Variants in HEXA observed in about 807,000 individuals in gnomAD.
HEXA encodes beta-hexosaminidase subunit alpha.
HEXA carries 54 observed loss-of-function variants against 73.3 expected under a neutral mutation model. That is an observed-to-expected ratio of 0.74 (90% CI 0.59 to 0.92). HEXA has a LOEUF of 0.92. Ranked by LOEUF, HEXA falls within the 40% of genes least tolerant of loss-of-function variation. HEXA has a pLI of 0.00. For synonymous variants in HEXA, 230 were observed against 246.9 expected (o/e 0.93, Z 0.64); for missense variants, 649 against 653.0 (o/e 0.99, Z 0.07).
Position 72,355,575 on chromosome 15 carries a change from G to C in HEXA, c.396C>G (p.Val132=), listed in dbSNP as rs1296841266. The C allele has an allele frequency of 1.9e-6, 3 of 1,608,576 alleles. No individual in the cohort carries two copies. The South Asian group carries it at 3.3e-5, about 18-fold the overall frequency. The part of the protein sequence containing the change: ...DDQCLLLSET[V]WGALRGLETF... ...ATTTGTTACCTCGGAGAGCTCCCCA[G>C]ACAGTCTCAGAGAGGAGTAAACACT... is the stretch of plus-strand genomic sequence containing the variant. Residue 132 remains valine (V), a synonymous_variant, in exon 3 of 14, where the codon GTC becomes GTG. Transcript: ENST00000268097.
At chr15:72,350,046 G>C (rs1392544709) in intron 7 of HEXA, among the ~76,000 whole-genome samples, 2 of 152,084 alleles carry the variant, frequency 1.3e-5, no homozygotes, top group South Asian at 4.2e-4. Flanking sequence ...TTACAGACAT[G>C]AGCCACCACG....
chr15:72,349,748 G>GT (rs894323650), intron 7 of HEXA, among the ~76,000 whole-genome samples: 32 of 151,466 alleles, frequency 2.1e-4, no homozygotes, highest in Middle Eastern at 3.4e-3. Flanking sequence ...TATCTTCAGG[G>GT]TTTTTTTTTG....
At chr15:72,371,203 G>C (rs189171139) in intron 1 of HEXA, among the ~76,000 whole-genome samples, 1 of 152,262 alleles carries the variant, frequency 6.6e-6, no homozygotes, top group South Asian at 2.1e-4. Context: ...AGAGCAGCAC[G>C]AGTTGGGATC....
chr15:72,351,268 C>G (rs1362365529), intron 5 of HEXA, 34 bp from the exon 6 acceptor site: 1 of 1,396,416 alleles, frequency 7.2e-7, no homozygotes, highest in Non-Finnish European at 1.0e-6. Context: ...GAACCCATCA[C>G]AGTCTCTCCG....
At chr15:72,370,876 C>T (rs969499372) in intron 1 of HEXA, among the ~76,000 whole-genome samples, 3 of 152,090 alleles carry the variant, frequency 2.0e-5, no homozygotes, top group African/African-American at 7.2e-5. Flanking sequence ...ACAATTTATT[C>T]ATCACTGTAT....
At chr15:72,344,393 G>C (rs764930841) in intron 13 of HEXA, among the ~76,000 whole-genome samples, 12 of 152,108 alleles carry the variant, frequency 7.9e-5, no homozygotes, top group Non-Finnish European at 1.5e-4. Flanking sequence ...AGAAACGTTG[G>C]CGACATCTAT....
At chr15:72,346,359 G>A (rs781126570) in intron 11 of HEXA, 34 bp from the exon 12 acceptor site, 5 of 1,579,022 alleles carry the variant, frequency 3.2e-6, no homozygotes, top group East Asian at 4.5e-5. Flanking sequence ...GTCTGGTGAT[G>A]GTGGGGTAAC....
chr15:72,347,715 A>G lies in HEXA; in HGVS notation c.1117T>C (p.Trp373Arg), dbSNP rs2088635643. ...ACTTTATTATCAAACACCTCCTGCC[A>G]CACCACATAGCCCTTGCCATAAGAA... ...VSSYGKGYVVWQEVFDNKVKI... is the reference protein window; with the variant it reads ...VSSYGKGYVVRQEVFDNKVKI... The change falls in exon 10 of 14, where the codon TGG becomes CGG. Residue 373 changes from tryptophan to arginine, a missense_variant. Physicochemically the swap from Trp to Arg is moderately radical, Grantham distance 101 (BLOSUM62 -3). Coordinates refer to ENST00000268097, the MANE Select transcript of HEXA (RefSeq NM_000520.6). The G allele has an allele frequency of 6.2e-7, 1 of 1,614,182 alleles. No homozygotes were observed. The highest frequency in any genetic ancestry group is 8.5e-7 in the Non-Finnish European group (1 of 1,180,020).
At chr15:72,357,937 A>C (rs1219689595) in intron 1 of HEXA, 6 of 152,216 alleles carry the variant, frequency 3.9e-5, no homozygotes, top group African/African-American at 7.2e-5. Flanking sequence ...TTCTGCAAAG[A>C]GGAGGGAATC....
intron 12 of HEXA, 54 bp from the exon 13 acceptor site, chr15:72,345,604 CT>C: frequency 6.2e-7 from 1 of 1,606,398 alleles, no homozygotes; most frequent in Non-Finnish European, 8.5e-7. Flanking sequence ...TGCAAAGGTG[CT>C]GGACATCCAC....
rs2088580310 is a variant in HEXA, at chr15:72,344,081, G to A, written c.1586C>T (p.Thr529Ile). The A allele has an allele frequency of 1.9e-6, 3 of 1,613,436 alleles. No individual in the cohort carries two copies. The African/African-American group carries it at 4.0e-5, about 22-fold the overall frequency. Reference sequence around the variant, plus strand: ...ACCCTCCTCGGTGCCTGGGGCTCAGGTCTGTTCAAACTCCTGCTCACAGAA... The same window carrying A: ...ACCCTCCTCGGTGCCTGGGGCTCAGATCTGTTCAAACTCCTGCTCACAGAA... ...VGFCEQEFEQ[T>I] Residue 529 changes from threonine to isoleucine, a missense_variant, in exon 14 of 14, where the codon ACC becomes ATC. Thr to Ile is a moderately conservative substitution (Grantham distance 89, BLOSUM62 -1). Coordinates refer to ENST00000268097, the MANE Select transcript of HEXA (RefSeq NM_000520.6).
At chr15:72,362,034 G>A (rs896814083) in intron 1 of HEXA, among the ~76,000 whole-genome samples, 1 of 152,170 alleles carries the variant, frequency 6.6e-6, no homozygotes, top group African/African-American at 2.4e-5. Flanking sequence ...TCAGAATACA[G>A]TCCAGAATTC....
chr15:72,347,170 A>G (rs892601098), intron 10 of HEXA, among the ~76,000 whole-genome samples: 5 of 44,010 alleles, frequency 1.1e-4, no homozygotes, highest in African/African-American at 1.8e-4. Context: ...AGGAAGAAAA[A>G]TCCAGCCTAT....
chr15:72,348,871 TAGGA>T (rs1170442730), intron 8 of HEXA, among the ~76,000 whole-genome samples: 1 of 151,830 alleles, frequency 6.6e-6, no homozygotes, highest in East Asian at 1.9e-4. Context: ...GATATGAGAG[TAGGA>T]AGGAAGAGGT....
At chr15:72,374,283 C>T (rs140463021) in intron 1 of HEXA, among the ~76,000 whole-genome samples, 2 of 152,150 alleles carry the variant, frequency 1.3e-5, no homozygotes, top group Non-Finnish European at 2.9e-5. Flanking sequence ...TTCTGAGTGC[C>T]AATCTTGGGT....
chr15:72,349,188 T>C lies in HEXA; in HGVS notation c.877A>G (p.Ser293Gly), dbSNP rs1220619846. The C allele has an allele frequency of 1.2e-6, 2 of 1,613,840 alleles. No homozygotes were observed. The highest frequency in any genetic ancestry group is 1.7e-5 in the Admixed American group (1 of 60,028). ...PSGTFGPVNP[S>G]LNNTYEFMST... The stretch of plus-strand genomic sequence containing the variant: ...ATGAACTCATAGGTATTATTGAGAC[T>C]GGGATTCACTGGTCCAAAGGTGCCA... Residue 293 changes from serine (S) to glycine (G), a missense_variant, in exon 8 of 14, where the codon AGT becomes GGT. Ser to Gly is a moderately conservative substitution (Grantham distance 56). Transcript: ENST00000268097.
At chr15:72,354,142 G>A (rs12441745) in intron 3 of HEXA, 10 of 190,760 alleles carry the variant, frequency 5.2e-5, no homozygotes, top group Admixed American at 4.4e-4. Context: ...CAGGAGCTAA[G>A]AGAGCTGAGA....
chr15:72,356,732 A>G (rs2088789190), intron 1 of HEXA, 115 bp from the exon 2 acceptor site: 1 of 1,488,988 alleles, frequency 6.7e-7, no homozygotes, highest in Non-Finnish European at 9.1e-7. Flanking sequence ...GAAAGGGAGG[A>G]CATGGCATTT....
chr15:72,363,368 G>C (rs1372024389), intron 1 of HEXA, among the ~76,000 whole-genome samples: 1 of 152,198 alleles, frequency 6.6e-6, no homozygotes, highest in Non-Finnish European at 1.5e-5. Flanking sequence ...GTCCAGGAAA[G>C]GTGGAAGGCT....
Sources: gnomAD v4.1 joint callset for allele counts (sites outside exome capture counted in the v4.1 genomes callset) on GRCh38, gnomAD v4.1.1 for gene constraint, MANE v1.5 for transcripts, NCBI Gene and HGNC (gene_info 2026-07-23, HGNC 2026-07-21) for gene names.